Variants in IFT140 observed in about 807,000 individuals in gnomAD.
IFT140 encodes the protein intraflagellar transport 140, also known as intraflagellar transport protein 140 homolog.
IFT140 carries 133 observed loss-of-function variants against 164.6 expected under a neutral mutation model. That is an observed-to-expected ratio of 0.81 (90% CI 0.70 to 0.93). The LOEUF (loss-of-function observed/expected upper bound fraction) is 0.93. Among genes scored for constraint, IFT140 ranks in the 40% least tolerant of loss-of-function variants. The pLI, the probability that IFT140 is intolerant of heterozygous loss-of-function variation, is 0.00. For missense variants in IFT140, 2,045 were observed against 1,972.3 expected (o/e 1.04, Z -0.70); for synonymous variants, 860 against 817.3 (o/e 1.05, Z -0.89).
chr16:1,526,319 C>T, intron 20 of IFT140: 1 of 590,920 alleles, frequency 1.7e-6, no homozygotes, highest in South Asian at 2.0e-5. Context: ...CACAGCCCCC[C>T]CTCCCACAGC....
chr16:1,586,009 G>T, intron 10 of IFT140, 121 bp downstream of exon 10: 1 of 1,142,550 alleles, frequency 8.8e-7, no homozygotes, highest in Admixed American at 1.7e-5. Flanking sequence ...CTGACCTCAT[G>T]ATCCACCCGC....
chr16:1,600,907 G>A (rs1335708486), intron 4 of IFT140, among the ~76,000 whole-genome samples: 1 of 151,752 alleles, frequency 6.6e-6, no homozygotes. Flanking sequence ...AAAAAAAAAG[G>A]GAGGAAAAAA....
At chr16:1,515,271 C>T (rs959792015) in intron 30 of IFT140, among the ~76,000 whole-genome samples, 1 of 152,142 alleles carries the variant, frequency 6.6e-6, no homozygotes, top group Admixed American at 6.6e-5. Flanking sequence ...AAAGTCATGA[C>T]AGCAGCCAGT....
intron 30 of IFT140, among the ~76,000 whole-genome samples, chr16:1,516,639 G>C (rs576493280): frequency 1.3e-5 from 2 of 151,628 alleles, no homozygotes; most frequent in Non-Finnish European, 2.9e-5. Context: ...GCGTGGTGGC[G>C]GGCGCCTGTA....
intron 8 of IFT140, 68 bp downstream of exon 8, chr16:1,587,865 A>C (rs2034971005): frequency 8.0e-7 from 1 of 1,245,410 alleles, no homozygotes; most frequent in Non-Finnish European, 1.1e-6. Context: ...TCCAACACAA[A>C]GCTGACTTAG....
intron 18 of IFT140, among the ~76,000 whole-genome samples, chr16:1,560,592 C>T (rs2033351794): frequency 6.6e-6 from 1 of 152,116 alleles, no homozygotes; most frequent in African/African-American, 2.4e-5. Flanking sequence ...ACCGTGGTGG[C>T]TGCTGGTGCA....
In IFT140 at chr16:1,510,915, C is replaced by T. The variant is rs1415804410; in HGVS notation, c.*29G>A. 7 of 1,593,834 alleles carry T rather than the reference C, an allele frequency of 4.4e-6. No homozygotes were observed. In the African/African-American group the frequency reaches 8.1e-5, roughly 18 times the overall value. ...AATTCCAGAAGATGCCTTTCTGCAG[C>T]AGCACGCTGGTCCTGGGGCCCAGGC... On this transcript the variant is annotated 3_prime_UTR_variant, in exon 31 of 31. Coordinates refer to ENST00000426508, the MANE Select transcript of IFT140 (RefSeq NM_014714.4).
chr16:1,554,942 C>T (rs774131004), intron 19 of IFT140: 5 of 1,614,154 alleles, frequency 3.1e-6, no homozygotes, highest in Non-Finnish European at 4.2e-6. Flanking sequence ...ACTGCATGGC[C>T]CCCCGGGTGA....
At chr16:1,542,581 C>T (rs371230279) in intron 19 of IFT140, among the ~76,000 whole-genome samples, 4 of 152,368 alleles carry the variant, frequency 2.6e-5, no homozygotes. Context: ...AACGCAGCTT[C>T]CTAGGACCTG....
chr16:1,587,245 A>C lies in IFT140; in HGVS notation c.962T>G (p.Phe321Cys). ...YILSPDEKFG[F>C]EKGENMNCVC... The stretch of plus-strand genomic sequence containing the variant: ...ACAGTTCATATTCTCTCCTTTCTCA[A>C]AGCCAAACTTCTCATCTGGACTCAG... The change falls in exon 9 of 31, where the codon TTT becomes TGT. Residue 321 changes from phenylalanine (F) to cysteine (C), a missense_variant. Transcript: ENST00000426508. The C allele has an allele frequency of 6.2e-7, 1 of 1,613,176 alleles. No individual in the cohort carries two copies. The highest frequency in any genetic ancestry group is 8.5e-7 in the Non-Finnish European group (1 of 1,179,210).
chr16:1,553,336 C>G lies in IFT140; in HGVS notation c.2399+4599G>C, dbSNP rs1206271356. On this transcript the variant is annotated intron_variant, in intron 19 of 30. Transcript: ENST00000426508. This position sits in a 1 kb window ranked among gnomAD's most constrained non-coding sequence, Gnocchi z 4.4. ...TCTCTGTGTCTCTGTCCCTGTGTCT[C>G]TTTTTCTCCCATCCTCTCTCGATGC... 8.1e-6 allele frequency: 8 copies of G among 985,242 alleles called. No homozygotes were observed. Among genetic ancestry groups the G allele is most frequent in the Non-Finnish European group, 8.4e-6 (7 of 829,934 alleles). 61.0% of individuals were successfully genotyped at this position (985,242 alleles called of 1,614,324 possible). A position where few individuals can be genotyped will look rare whatever the true frequency, so the allele number is the denominator to read the frequency against.
intron 7 of IFT140, 106 bp downstream of exon 7, chr16:1,589,499 G>T (rs1165609335): frequency 2.9e-5 from 34 of 1,165,732 alleles, no homozygotes; most frequent in Non-Finnish European, 4.2e-5. Flanking sequence ...CAGTTGATAG[G>T]CTTTTTTTCA....
chr16:1,544,049 GCT>G (rs935110347), intron 19 of IFT140, among the ~76,000 whole-genome samples: 3 of 135,924 alleles, frequency 2.2e-5, no homozygotes, highest in African/African-American at 8.3e-5. Context: ...ATGGAGTCTT[GCT>G]CTGTCACCCA....
intron 19 of IFT140, among the ~76,000 whole-genome samples, chr16:1,528,324 CACGCACGTGTGCACACACACGCAT>C (rs1340556464): frequency 5.0e-5 from 6 of 120,344 alleles, no homozygotes; most frequent in Non-Finnish European, 1.0e-4. Flanking sequence ...CGCACGCATG[CACGCACGTGTGCACACACACGCAT>C]GCACGCACGT....
intron 4 of IFT140, among the ~76,000 whole-genome samples, chr16:1,593,681 C>T (rs142797801): frequency 1.3e-5 from 2 of 152,014 alleles, no homozygotes; most frequent in Non-Finnish European, 2.9e-5. Context: ...GATAGTTTTT[C>T]TCATAGTTGC....
intron 19 of IFT140, among the ~76,000 whole-genome samples, chr16:1,550,500 CGT>C (rs1286806552): frequency 2.6e-5 from 4 of 152,250 alleles, no homozygotes; most frequent in African/African-American, 7.2e-5. Flanking sequence ...CAGGAAGCAG[CGT>C]GTGATGCTGG....
chr16:1,580,999 A>G, intron 12 of IFT140, 149 bp from the exon 13 acceptor site: 1 of 605,736 alleles, frequency 1.7e-6, no homozygotes, highest in South Asian at 1.9e-5. Context: ...GCAGATGAAG[A>G]AAATGAGGCT....
At chr16:1,559,054 C>G (rs2033263510) in intron 18 of IFT140, among the ~76,000 whole-genome samples, 1 of 152,180 alleles carries the variant, frequency 6.6e-6, no homozygotes, top group African/African-American at 2.4e-5. Context: ...TGGCACAGTG[C>G]AGAGCATAAG....
chr16:1,557,110 G>A (rs571053833), intron 19 of IFT140, among the ~76,000 whole-genome samples: 68 of 148,572 alleles, frequency 4.6e-4, no homozygotes, highest in East Asian at 1.4e-3. Flanking sequence ...GTGAGCCACC[G>A]TGCCCCGGCC....
Sources: allele counts gnomAD v4.1 joint callset (sites outside exome capture counted in the v4.1 genomes callset), GRCh38; gene constraint gnomAD v4.1.1; non-coding constraint Gnocchi (gnomAD v3.1); transcripts MANE v1.5; gene names NCBI Gene and HGNC (gene_info 2026-07-23, HGNC 2026-07-21).